Variants in PLEKHG2 observed in about 807,000 individuals in gnomAD.
PLEKHG2 encodes pleckstrin homology and RhoGEF domain containing G2, also known as pleckstrin homology domain-containing family G member 2.
Under a neutral mutation model 104.4 loss-of-function variants are expected in PLEKHG2, and 71 were observed. That is an observed-to-expected ratio of 0.68 (90% confidence interval 0.56 to 0.83). The LOEUF is 0.83. Ranked by LOEUF, PLEKHG2 falls within the 40% of genes least tolerant of loss-of-function variation. The probability of loss-of-function intolerance (pLI) is 0.00; values close to 1 mark genes in which losing one functional copy is unlikely to be tolerated. For missense variants in PLEKHG2, 1,730 were observed against 1,809.4 expected, an observed-to-expected ratio of 0.96 and a Z score of 0.80; for synonymous variants, 728 against 737.0, an observed-to-expected ratio of 0.99 and a Z score of 0.20.
At chr19:39,419,741 G>T (rs543889522) in intron 11 of PLEKHG2, among the ~76,000 whole-genome samples, 1 of 152,158 alleles carries the variant, frequency 6.6e-6, no homozygotes, top group Non-Finnish European at 1.5e-5. Flanking sequence ...GCCAGGCGTG[G>T]TGGCAGGTGC....
chr19:39,424,640 C>G lies in PLEKHG2; in HGVS notation c.3507C>G (p.Leu1169=). 3 of 1,614,190 alleles carry G rather than the reference C, an allele frequency of 1.9e-6. No homozygotes were observed. The highest frequency in any genetic ancestry group is 2.5e-6 in the Non-Finnish European group (3 of 1,180,038). ...CAACTTCACCCAAGCAGGGAAGCCT[C>G]CCAGACATCCAGGGTCCAGCGGCTG... ...ALPTSPKQGS[L]PDIQGPAAAP... Residue 1169 remains leucine, a synonymous_variant, in exon 19 of 19, where the codon CTC becomes CTG. Coordinates refer to ENST00000425673, the MANE Select transcript of PLEKHG2 (RefSeq NM_022835.3).
chr19:39,416,667 C>T lies in PLEKHG2; in HGVS notation c.593+70C>T. 6.3e-7 allele frequency: 1 copy of T among 1,584,152 alleles called. No individual in the cohort carries two copies. The highest frequency in any genetic ancestry group is 8.7e-7 in the Non-Finnish European group (1 of 1,155,150). ...GCTGATGTGCCAGTCACCCGTCACCCTCCCTCTACCCCCGACCCATCCAGC... is the reference window on the plus strand; with the variant it reads ...GCTGATGTGCCAGTCACCCGTCACCTTCCCTCTACCCCCGACCCATCCAGC... On this transcript the variant is annotated intron_variant, in intron 6 of 18. Transcript: ENST00000425673. This position sits in a 1 kb window ranked among gnomAD's most constrained non-coding sequence, Gnocchi z 4.5.
At chr19:39,417,856 T>C in intron 8 of PLEKHG2, 49 bp from the exon 9 acceptor site, 1 of 1,511,140 alleles carries the variant, frequency 6.6e-7, no homozygotes, top group Non-Finnish European at 8.8e-7. Flanking sequence ...GTGTGCCACC[T>C]ACCCATGCTT....
Position 39,416,651 on chromosome 19 carries a change from C to T in PLEKHG2, c.593+54C>T. ...CAGGCTGTGCCCACAAGCTGATGTG[C>T]CAGTCACCCGTCACCCTCCCTCTAC... On this transcript the variant is annotated intron_variant, in intron 6 of 18. Transcript: ENST00000425673. This position sits in a 1 kb window ranked among gnomAD's most constrained non-coding sequence, Gnocchi z 4.5. The T allele has an allele frequency of 1.2e-6, 2 of 1,600,988 alleles. No individual in the cohort carries two copies. Among genetic ancestry groups the T allele is most frequent in the Non-Finnish European group, 1.7e-6 (2 of 1,169,202 alleles).
chr19:39,417,934 C>T lies in PLEKHG2; in HGVS notation c.912C>T (p.Thr304=), dbSNP rs35466645. 266,291 of 1,541,926 alleles carry T rather than the reference C, an allele frequency of 0.17. 23,900 individuals carry two copies. The highest frequency in any genetic ancestry group is 0.22 in the South Asian group (18,539 of 83,680). ...TGCAGCGGCGGCTGGGTGGCTGGAC[C>T]GGACCAGAGCTCAGTGCTTTTGGGG... ...QEVQRRLGGW[T]GPELSAFGEL... is the part of the protein sequence containing the mutation. Residue 304 remains threonine, a synonymous_variant, in exon 9 of 19, where the codon ACC becomes ACT. Transcript: ENST00000425673.
intron 16 of PLEKHG2, 99 bp downstream of exon 16, chr19:39,421,398 G>A: frequency 3.0e-6 from 4 of 1,320,944 alleles, no homozygotes; most frequent in South Asian, 2.4e-5. Context: ...ATGAGAAGGG[G>A]ATTGGGGCCA....
rs766028297 is a variant in PLEKHG2, at chr19:39,417,595, G to T, written c.785G>T (p.Gly262Val). 3.1e-6 allele frequency: 5 copies of T among 1,613,990 alleles called. No individual in the cohort carries two copies. Among genetic ancestry groups the T allele is most frequent in the Non-Finnish European group, 3.4e-6 (4 of 1,180,034 alleles). Reference protein sequence around the residue: ...KHWAEGPGTGGREMVEEAIVS... With the variant: ...KHWAEGPGTGVREMVEEAIVS... ...TGGGCGGAGGGCCCAGGCACTGGGG[G>T]TCGCGAGATGGTGGAGGAAGCTATT... Residue 262 changes from glycine to valine, a missense_variant, in exon 8 of 19, where the codon GGT becomes GTT. Gly to Val is a moderately radical substitution (Grantham distance 109). Coordinates refer to ENST00000425673, the MANE Select transcript of PLEKHG2 (RefSeq NM_022835.3).
intron 11 of PLEKHG2, among the ~76,000 whole-genome samples, chr19:39,420,223 G>A (rs2078676753): frequency 6.6e-6 from 1 of 152,078 alleles, no homozygotes; most frequent in African/African-American, 2.4e-5. Context: ...ACCGGGTGTG[G>A]TAGCGGGCAC....
At chr19:39,419,738 G>A (rs1192668643) in intron 11 of PLEKHG2, among the ~76,000 whole-genome samples, 1 of 152,144 alleles carries the variant, frequency 6.6e-6, no homozygotes, top group Non-Finnish European at 1.5e-5. Flanking sequence ...TTAGCCAGGC[G>A]TGGTGGCAGG....
chr19:39,421,596 G>A, intron 16 of PLEKHG2: 2 of 471,122 alleles, frequency 4.2e-6, no homozygotes, highest in South Asian at 4.3e-5. Context: ...ACTGAGGTGG[G>A]AGGATTGCTT....
At position 39,414,082 on chromosome 19, in the gene PLEKHG2, C is replaced by A; in HGVS notation, c.-5C>A. 6.4e-7 allele frequency: 1 copy of A among 1,550,932 alleles called. No individual in the cohort carries two copies. Among genetic ancestry groups the A allele is most frequent in the South Asian group, 1.2e-5 (1 of 84,004 alleles). ...TTCTGCAGGACTCTGCTGGGCCGCT[C>A]AGCCATGCCTGAGGGAGCCCAAGGA... On this transcript the variant is annotated 5_prime_UTR_variant, in exon 2 of 19. Transcript: ENST00000425673.
Position 39,422,846 on chromosome 19 carries a change from G to A in PLEKHG2, c.1792G>A (p.Glu598Lys), listed in dbSNP as rs1185854708. Reference protein sequence around the residue: ...SRDSSEEEEEEEEGLEMDERG... With the variant: ...SRDSSEEEEEKEEGLEMDERG... ...GGACTCTTCAGAAGAGGAGGAGGAG[G>A]AAGAGGAAGGGCTGGAGATGGATGA... Residue 598 changes from glutamate (E) to lysine (K), a missense_variant, in exon 18 of 19, where the codon GAA becomes AAA. Physicochemically the swap from Glu to Lys is moderately conservative, Grantham distance 56. Transcript: ENST00000425673. 1 of 1,567,432 alleles carries A rather than the reference G, an allele frequency of 6.4e-7. No homozygotes were observed. The highest frequency in any genetic ancestry group is 8.7e-7 in the Non-Finnish European group (1 of 1,155,206).
chr19:39,421,501 C>CTT (rs1311066185), intron 16 of PLEKHG2, among the ~76,000 whole-genome samples: 41 of 152,172 alleles, frequency 2.7e-4, no homozygotes, highest in African/African-American at 9.9e-4. Flanking sequence ...GTCTGGGCAA[C>CTT]ATGGCAAAAC....
rs574849392 is a variant in PLEKHG2, at chr19:39,415,696, C to T, written c.479+257C>T. Among the ~76,000 whole-genome samples, 1 of 150,792 alleles carries T rather than the reference C, an allele frequency of 6.6e-6. No homozygotes were observed. Among genetic ancestry groups the T allele is most frequent in the African/African-American group, 2.4e-5 (1 of 40,822 alleles). On this transcript the variant is annotated intron_variant, in intron 4 of 18. Coordinates refer to ENST00000425673, the MANE Select transcript of PLEKHG2 (RefSeq NM_022835.3). This position sits in a 1 kb window ranked among gnomAD's most constrained non-coding sequence, Gnocchi z 4.6. Reference sequence around the variant, plus strand: ...GGGAGGGGCATAGCGGATGGGAGGACCCCGAGTGAGGGAGGGGCATAGCGG... The same window carrying T: ...GGGAGGGGCATAGCGGATGGGAGGATCCCGAGTGAGGGAGGGGCATAGCGG...
At chr19:39,420,284 A>G (rs2078677848) in intron 11 of PLEKHG2, among the ~76,000 whole-genome samples, 1 of 151,658 alleles carries the variant, frequency 6.6e-6, no homozygotes, top group Admixed American at 6.6e-5. Context: ...GCTTGAACCC[A>G]GGAGGCAGAG....
rs376646839 is a variant in PLEKHG2, at chr19:39,425,511, A to G, written c.*217A>G. 430 of 708,280 alleles carry G rather than the reference A, an allele frequency of 6.1e-4. 8 individuals carry two copies. The South Asian group carries it at 0.012, about 20-fold the overall frequency. The allele number at this position is 708,280 out of a possible 1,614,324, so 43.9% of individuals were successfully genotyped here. ...ATGTTTTGTTAATACTGATTCTTTC[A>G]TGCAATGATGTGTATTTTCCCATTC... is the stretch of plus-strand genomic sequence containing the variant. On this transcript the variant is annotated 3_prime_UTR_variant, in exon 19 of 19. Coordinates refer to ENST00000425673, the MANE Select transcript of PLEKHG2 (RefSeq NM_022835.3).
rs371622289 is a variant in PLEKHG2 at position 39,423,038 on chromosome 19, A to G, written c.1984A>G (p.Ile662Val). 13 of 1,614,086 alleles carry G rather than the reference A, an allele frequency of 8.1e-6. No homozygotes were observed. In the African/African-American group the frequency reaches 1.1e-4, roughly 13 times the overall value. Residue 662 changes from isoleucine (I) to valine (V), a missense_variant, in exon 18 of 19, where the codon ATT becomes GTT. By Grantham distance (29) the Ile-to-Val change is conservative (BLOSUM62 3). Coordinates refer to ENST00000425673, the MANE Select transcript of PLEKHG2 (RefSeq NM_022835.3). Reference sequence around the variant, plus strand: ...TTCTCGCCTTCCTAGTCTCTCTGACATTTCCGATGTTTTTGAGATGCCCTG... The same window carrying G: ...TTCTCGCCTTCCTAGTCTCTCTGACGTTTCCGATGTTTTTGAGATGCCCTG... ...EGSRLPSLSD[I>V]SDVFEMPCLP...
At position 39,415,403 on chromosome 19, in the gene PLEKHG2, T is replaced by C. The variant is rs1568389422; in HGVS notation, c.443T>C (p.Leu148Pro). ...LGLSVEQVGTLFANIEDIYEF... is the reference protein window; with the variant it reads ...LGLSVEQVGTPFANIEDIYEF... ...CTGAGCGTGGAGCAGGTGGGCACGC[T>C]GTTTGCCAACATTGAGGACATCTAC... The change falls in exon 4 of 19, where the codon CTG becomes CCG. Residue 148 changes from leucine to proline, a missense_variant. Transcript: ENST00000425673. This position sits in a 1 kb window ranked among gnomAD's most constrained non-coding sequence, Gnocchi z 4.6. 1 of 1,614,092 alleles carries C rather than the reference T, an allele frequency of 6.2e-7. No homozygotes were observed.
rs913185843 is a variant in PLEKHG2, at chr19:39,415,673, G to A, written c.479+234G>A. 6.6e-6 allele frequency among the ~76,000 whole-genome samples: 1 copy of A among 151,964 alleles called. No individual in the cohort carries two copies. Among genetic ancestry groups the A allele is most frequent in the Non-Finnish European group, 1.5e-5 (1 of 67,980 alleles). On this transcript the variant is annotated intron_variant, in intron 4 of 18. Coordinates refer to ENST00000425673, the MANE Select transcript of PLEKHG2 (RefSeq NM_022835.3). This position sits in a 1 kb window ranked among gnomAD's most constrained non-coding sequence, Gnocchi z 4.6. ...GCGGATGGGAGGACCCCGAGTGAGG[G>A]AGGGGCATAGCGGATGGGAGGACCC...
Sources: gnomAD v4.1 joint callset for allele counts (sites outside exome capture counted in the v4.1 genomes callset) on GRCh38, gnomAD v4.1.1 for gene constraint, Gnocchi (gnomAD v3.1) non-coding constraint, MANE v1.5 for transcripts, NCBI Gene and HGNC (gene_info 2026-07-23, HGNC 2026-07-21) for gene names.